The following HERC2 variants were observed in gnomAD, a reference collection of about 807,000 sequenced individuals.
HERC2 encodes HECT and RLD domain containing E3 ubiquitin protein ligase 2, also known as E3 ubiquitin-protein ligase HERC2.
HERC2 carries 102 observed loss-of-function variants against 537.7 expected under a neutral mutation model. The ratio of observed to expected loss-of-function variants is 0.19; its 90% CI spans 0.16 to 0.22. The LOEUF is 0.22. Among genes scored for constraint, HERC2 ranks in the 10% least tolerant of loss-of-function variants. The pLI is 1.00. For missense variants in HERC2, 4,236 were observed against 6,198.2 expected (o/e 0.68, Z 10.63); for synonymous variants, 2,224 against 2,466.2 (o/e 0.90, Z 2.91).
intron 2 of HERC2, among the ~76,000 whole-genome samples, chr15:28,301,152 C>T (rs1317676917): frequency 1.3e-5 from 2 of 151,820 alleles, no homozygotes; most frequent in African/African-American, 2.4e-5. Flanking sequence ...CGGTGGCTCA[C>T]GCCTATAATC....
rs1296987101 is a variant in HERC2 at position 28,196,539 on chromosome 15, A to G, written c.8042T>C (p.Val2681Ala). The change falls in exon 51 of 93, where the codon GTC (valine) becomes GCC (alanine). Residue 2681 changes from valine (V) to alanine (A), a missense_variant. Physicochemically the swap from Val to Ala is moderately conservative, Grantham distance 64 (BLOSUM62 0). This residue lies in a region of HERC2 where 606 missense variants were observed against 884.5 expected (regional missense o/e 0.69). Transcript: ENST00000261609. ...CCAGTGAGACTGCTGGGGAAAGTCG[A>G]CAATGATATCTTTTCCATTGGCACT... Reference protein sequence around the residue: ...AFSANGKDIIVDFPQQSHWTG... With the variant: ...AFSANGKDIIADFPQQSHWTG... 6 of 1,613,090 alleles carry G rather than the reference A, an allele frequency of 3.7e-6. No individual in the cohort carries two copies. Among genetic ancestry groups the G allele is most frequent in the Non-Finnish European group, 5.1e-6 (6 of 1,179,094 alleles).
intron 3 of HERC2, among the ~76,000 whole-genome samples, chr15:28,298,805 AAAGAAG>A (rs754026839): frequency 6.6e-6 from 1 of 152,010 alleles, no homozygotes; most frequent in African/African-American, 2.4e-5. Flanking sequence ...CCCCCAAAAA[AAAGAAG>A]AAGAAGAAAT....
chr15:28,171,876 T>C (rs1894732167), intron 65 of HERC2, among the ~76,000 whole-genome samples: 1 of 151,986 alleles, frequency 6.6e-6, no homozygotes, highest in African/African-American at 2.4e-5. Flanking sequence ...AGATCGATTC[T>C]GTCCTGGCTA....
intron 9 of HERC2, among the ~76,000 whole-genome samples, chr15:28,271,861 C>T (rs1368163643): frequency 6.6e-6 from 1 of 152,190 alleles, no homozygotes; most frequent in African/African-American, 2.4e-5. Flanking sequence ...CCTGTTAAGG[C>T]GGGAGCTGGT....
Position 28,176,700 on chromosome 15 carries a change from A to G in HERC2, c.9501T>C (p.Ala3167=). 11 of 1,614,142 alleles carry G rather than the reference A, an allele frequency of 6.8e-6. No homozygotes were observed. Among genetic ancestry groups the G allele is most frequent in the Non-Finnish European group, 9.3e-6 (11 of 1,180,014 alleles). Residue 3167 remains alanine (A), a synonymous_variant, in exon 62 of 93, where the codon GCT becomes GCC. Transcript: ENST00000261609. The surrounding 1 kb of genome is among the most constrained non-coding windows in gnomAD (Gnocchi z 5.0). ...CCAGCCACTCACCTTCATCGGTCAGAGCCAGGGTCTGCGCGTCTCTACTCC... is the reference window on the plus strand; with the variant it reads ...CCAGCCACTCACCTTCATCGGTCAGGGCCAGGGTCTGCGCGTCTCTACTCC... ...ACGSRDAQTL[A]LTDEGLVFSW... is the part of the protein sequence containing the mutation.
chr15:28,289,406 C>G (rs369119305), intron 4 of HERC2, among the ~76,000 whole-genome samples: 1 of 77,038 alleles, frequency 1.3e-5, no homozygotes, highest in East Asian at 2.0e-4. Context: ...CACCTTATAA[C>G]ATTCTCAAAT....
chr15:28,270,265 A>AACCCAC (rs1439394872), intron 10 of HERC2, among the ~76,000 whole-genome samples: 2 of 151,608 alleles, frequency 1.3e-5, no homozygotes, highest in African/African-American at 4.8e-5. Context: ...AGATAGATAG[A>AACCCAC]TAGACAGACA....
chr15:28,269,550 TG>T (rs1270031646), intron 10 of HERC2, 114 bp from the exon 11 acceptor site: 1 of 827,780 alleles, frequency 1.2e-6, no homozygotes, highest in East Asian at 2.6e-5. Context: ...GAAAATATGC[TG>T]ATTCAAAACA....
intron 52 of HERC2, among the ~76,000 whole-genome samples, chr15:28,192,742 C>A (rs1349092038): frequency 6.6e-6 from 1 of 152,148 alleles, no homozygotes; most frequent in African/African-American, 2.4e-5. Flanking sequence ...GATGGCATCA[C>A]CAGGTTCCAA....
intron 70 of HERC2, among the ~76,000 whole-genome samples, chr15:28,151,598 A>G (rs1163320278): frequency 6.6e-6 from 1 of 152,176 alleles, no homozygotes; most frequent in East Asian, 1.9e-4. Context: ...AAAACCGAGG[A>G]CACCTTGTGT....
chr15:28,253,377 C>T lies in HERC2; in HGVS notation c.3050+963G>A, dbSNP rs146554193. Reference sequence around the variant, plus strand: ...TATGTAAAGTGAGGCAATGATAGAACCAGTTTTAAAAATAACCTTTCCATG... The same window carrying T: ...TATGTAAAGTGAGGCAATGATAGAATCAGTTTTAAAAATAACCTTTCCATG... On this transcript the variant is annotated intron_variant, in intron 20 of 92. Coordinates refer to ENST00000261609, the MANE Select transcript of HERC2 (RefSeq NM_004667.6). Among the ~76,000 whole-genome samples, 543 of 152,306 alleles carry T rather than the reference C, an allele frequency of 3.6e-3. 6 individuals carry two copies. Among genetic ancestry groups the T allele is most frequent in the African/African-American group, 0.012 (517 of 41,568 alleles).
Position 28,177,601 on chromosome 15 carries a change from C to T in HERC2, c.9164-92G>A. 2 of 1,061,546 alleles carry T rather than the reference C, an allele frequency of 1.9e-6. No homozygotes were observed. Among genetic ancestry groups the T allele is most frequent in the South Asian group, 2.5e-5 (2 of 79,188 alleles). 65.8% of individuals were successfully genotyped at this position (1,061,546 alleles called of 1,614,324 possible). Reference sequence around the variant, plus strand: ...TCCCTATTTTGCCTGGCATATAGCACACACTCAATGAGCGTGAGCTGAATA... The same window carrying T: ...TCCCTATTTTGCCTGGCATATAGCATACACTCAATGAGCGTGAGCTGAATA... On this transcript the variant is annotated intron_variant, in intron 59 of 92. Coordinates refer to ENST00000261609, the MANE Select transcript of HERC2 (RefSeq NM_004667.6). The surrounding 1 kb of genome is among the most constrained non-coding windows in gnomAD (Gnocchi z 5.0).
At chr15:28,190,241 G>A (rs1050415558) in intron 55 of HERC2, 15 of 143,830 alleles carry the variant, frequency 1.0e-4, no homozygotes, top group African/African-American at 3.7e-4. Flanking sequence ...GGATGGTCTC[G>A]ATCTCCTGAG....
In HERC2 at chr15:28,113,489, T is replaced by C. The variant is rs973184165; in HGVS notation, c.14019+84A>G. ...CCTTCAGTCAACACACAGGGCAAGG[T>C]TCTGACTCTAACTGCTGTCACTGAT... On this transcript the variant is annotated intron_variant, in intron 91 of 92. Coordinates refer to ENST00000261609, the MANE Select transcript of HERC2 (RefSeq NM_004667.6). The surrounding 1 kb of genome is among the most constrained non-coding windows in gnomAD (Gnocchi z 7.0). 41 of 1,271,030 alleles carry C rather than the reference T, an allele frequency of 3.2e-5. No homozygotes were observed. The highest frequency in any genetic ancestry group is 2.4e-4 in the Middle Eastern group (1 of 4,206). The allele number at this position is 1,271,030 out of a possible 1,614,324, so 78.7% of individuals were successfully genotyped here.
intron 70 of HERC2, among the ~76,000 whole-genome samples, chr15:28,147,670 A>G (rs1387855611): frequency 6.6e-6 from 1 of 152,110 alleles, no homozygotes; most frequent in Non-Finnish European, 1.5e-5. Flanking sequence ...AGTTGAAGAA[A>G]AATGATTTCA....
At chr15:28,285,997 G>C (rs1596391905) in intron 4 of HERC2, among the ~76,000 whole-genome samples, 1 of 151,872 alleles carries the variant, frequency 6.6e-6, no homozygotes, top group African/African-American at 2.4e-5. Flanking sequence ...CATTTGAATA[G>C]CCCTACCACT....
rs1358237694 is a variant in HERC2, at chr15:28,201,561, GAAAT to G, written c.7618-11_7618-8del. On this transcript the variant is annotated splice_region_variant and splice_polypyrimidine_tract_variant and intron_variant, in intron 47 of 92. Coordinates refer to ENST00000261609, the MANE Select transcript of HERC2 (RefSeq NM_004667.6). ...TCACAACAGCACCAGTAGACTGCAA[GAAAT>G]AAATACATTCAAACAAAAAAACAGG... 3 of 1,590,868 alleles carry G rather than the reference GAAAT, an allele frequency of 1.9e-6. No individual in the cohort carries two copies. Among genetic ancestry groups the G allele is most frequent in the Non-Finnish European group, 2.6e-6 (3 of 1,159,488 alleles).
At position 28,233,345 on chromosome 15, in the gene HERC2, CA is replaced by C; in HGVS notation, c.4480-5del. The C allele has an allele frequency of 7.2e-7, 1 of 1,385,410 alleles. No homozygotes were observed. 85.8% of individuals were successfully genotyped at this position (1,385,410 alleles called of 1,614,324 possible). A position where few individuals can be genotyped will look rare whatever the true frequency, so the allele number is the denominator to read the frequency against. ...AACGGCCCTGTTCTTGATGAGTCTG[CA>C]AAGTTAACCAGGAAAAGACAACTTT... is the stretch of plus-strand genomic sequence containing the variant. On this transcript the variant is annotated splice_region_variant and splice_polypyrimidine_tract_variant and intron_variant, in intron 29 of 92. Transcript: ENST00000261609.
At chr15:28,315,222 A>G (rs1014654060) in intron 2 of HERC2, among the ~76,000 whole-genome samples, 1 of 152,252 alleles carries the variant, frequency 6.6e-6, no homozygotes, top group African/African-American at 2.4e-5. Context: ...GAGTTCCCTC[A>G]TCTCTCCTTG....
Sources: allele counts gnomAD v4.1 joint callset (sites outside exome capture counted in the v4.1 genomes callset), GRCh38; gene constraint gnomAD v4.1.1; regional missense constraint gnomAD v4.1.1; non-coding constraint Gnocchi (gnomAD v3.1); transcripts MANE v1.5; gene names NCBI Gene and HGNC (gene_info 2026-07-23, HGNC 2026-07-21).